The following STK32B variants were observed in gnomAD, a reference collection of about 807,000 sequenced individuals.
STK32B encodes the protein serine/threonine kinase 32B.
Under a neutral mutation model 52.6 loss-of-function variants are expected in STK32B, and 43 were observed. That is an observed-to-expected ratio of 0.82 (90% CI 0.64 to 1.05). STK32B has a LOEUF of 1.05. STK32B is among the 50% of genes least tolerant of loss of function. The pLI is 0.00. For synonymous variants in STK32B, 238 were observed against 204.3 expected, an observed-to-expected ratio of 1.17 and a Z score of -1.41; for missense variants, 621 against 534.6, an observed-to-expected ratio of 1.16 and a Z score of -1.59.
intron 1 of STK32B, among the ~76,000 whole-genome samples, chr4:5,131,056 TG>T (rs1158197336): frequency 6.6e-6 from 1 of 152,204 alleles, no homozygotes; most frequent in Non-Finnish European, 1.5e-5. Context: ...TGCCAGGACC[TG>T]GGCATGCCTC....
At chr4:5,309,883 G>A (rs957349607) in intron 3 of STK32B, among the ~76,000 whole-genome samples, 4 of 152,074 alleles carry the variant, frequency 2.6e-5, no homozygotes, top group Non-Finnish European at 5.9e-5. Context: ...TAGAAAAATG[G>A]GGCTGGGTGT....
intron 3 of STK32B, among the ~76,000 whole-genome samples, chr4:5,250,716 T>C (rs1725868446): frequency 6.6e-6 from 1 of 152,200 alleles, no homozygotes; most frequent in African/African-American, 2.4e-5. Flanking sequence ...CCTCAACCTC[T>C]CCAGCAATTG....
At position 5,480,629 on chromosome 4, in the gene STK32B, C is replaced by T. The variant is rs192998162; in HGVS notation, c.1106+12559C>T. ...TAAGTTTTAGGGTACATGTGCACAACGTGCAGGTTAGTTACATTTGTGTAC... is the reference window on the plus strand; with the variant it reads ...TAAGTTTTAGGGTACATGTGCACAATGTGCAGGTTAGTTACATTTGTGTAC... On this transcript the variant is annotated intron_variant, in intron 11 of 11. Transcript: ENST00000282908. 3.2e-3 allele frequency among the ~76,000 whole-genome samples: 480 copies of T among 151,868 alleles called. 1 individual carries two copies. The highest frequency in any genetic ancestry group is 9.8e-3 in the African/African-American group (406 of 41,430).
At chr4:5,300,119 G>C (rs931109760) in intron 3 of STK32B, among the ~76,000 whole-genome samples, 1 of 152,112 alleles carries the variant, frequency 6.6e-6, no homozygotes, top group Non-Finnish European at 1.5e-5. Flanking sequence ...TTCATGGGAT[G>C]CATGGATGAT....
chr4:5,316,914 TG>T (rs1730927995), intron 3 of STK32B, among the ~76,000 whole-genome samples: 2 of 14,118 alleles, frequency 1.4e-4, no homozygotes, highest in Admixed American at 1.3e-3. Context: ...ATAATATATA[TG>T]ATATAATATA....
Position 5,226,634 on chromosome 4 carries a change from C to T in STK32B, c.260+58184C>T, listed in dbSNP as rs552187026. 2.6e-5 allele frequency among the ~76,000 whole-genome samples: 4 copies of T among 152,264 alleles called. No homozygotes were observed. In the South Asian group the frequency reaches 8.3e-4, roughly 32 times the overall value. The stretch of plus-strand genomic sequence containing the variant: ...AGATCAACTGTCAGAGTTTTTCAAT[C>T]CTTATTTCCAAGTAGCCCTTACTTA... On this transcript the variant is annotated intron_variant, in intron 3 of 11. Coordinates refer to ENST00000282908, the MANE Select transcript of STK32B (RefSeq NM_018401.3).
rs1346700494 is a variant in STK32B at position 5,459,288 on chromosome 4, C to CG, written c.784-815_784-814insG. Reference sequence around the variant, plus strand: ...CACCTGTGGACCCTGGTGTGCCCCCCCCCCCCACCTTTCTAAGTATGTGCC... The same window carrying CG: ...CACCTGTGGACCCTGGTGTGCCCCCCGCCCCCCACCTTTCTAAGTATGTGCC... On this transcript the variant is annotated intron_variant, in intron 8 of 11. Coordinates refer to ENST00000282908, the MANE Select transcript of STK32B (RefSeq NM_018401.3). Among the ~76,000 whole-genome samples, 32 of 149,378 alleles carry CG rather than the reference C, an allele frequency of 2.1e-4. 2 individuals carry two copies. Among genetic ancestry groups the CG allele is most frequent in the African/African-American group, 7.5e-4 (30 of 40,218 alleles).
chr4:5,203,524 C>T (rs1722320024), intron 3 of STK32B, among the ~76,000 whole-genome samples: 1 of 152,044 alleles, frequency 6.6e-6, no homozygotes, highest in South Asian at 2.1e-4. Flanking sequence ...TAGTGCTGAG[C>T]ACTGCTGTGA....
rs529224049 is a variant in STK32B at position 5,088,768 on chromosome 4, A to G, written c.52+36853A>G. Among the ~76,000 whole-genome samples the G allele has an allele frequency of 2.7e-3, 409 of 152,080 alleles. 2 individuals are homozygous for G. The highest frequency in any genetic ancestry group is 5.1e-3 in the African/African-American group (210 of 41,516). ...GTACCCATAAAAATTAAAAGTTATA[A>G]AAAACCTTTATGGTATGCAGTGAAA... On this transcript the variant is annotated intron_variant, in intron 1 of 11. Coordinates refer to ENST00000282908, the MANE Select transcript of STK32B (RefSeq NM_018401.3).
intron 4 of STK32B, among the ~76,000 whole-genome samples, chr4:5,368,033 C>T (rs112691315): frequency 3.0e-4 from 45 of 152,166 alleles, no homozygotes; most frequent in African/African-American, 1.1e-3. Flanking sequence ...TCTGAGATAC[C>T]CACCCCCGAT....
intron 2 of STK32B, among the ~76,000 whole-genome samples, chr4:5,165,229 C>G (rs1268241671): frequency 1.3e-5 from 2 of 152,198 alleles, no homozygotes; most frequent in Admixed American, 6.5e-5. Flanking sequence ...CTTGGCCTCT[C>G]TTATTTGCAA....
chr4:5,156,970 G>A (rs1403955346), intron 2 of STK32B, among the ~76,000 whole-genome samples: 3 of 151,864 alleles, frequency 2.0e-5, no homozygotes, highest in African/African-American at 7.3e-5. Flanking sequence ...GGCTCTCACA[G>A]CTGCATGTGA....
chr4:5,236,727 C>T (rs1724663950), intron 3 of STK32B, among the ~76,000 whole-genome samples: 1 of 152,202 alleles, frequency 6.6e-6, no homozygotes, highest in African/African-American at 2.4e-5. Context: ...CCATGCGTTG[C>T]TATACGGTAT....
intron 7 of STK32B, among the ~76,000 whole-genome samples, chr4:5,447,732 C>A (rs189022240): frequency 6.6e-6 from 1 of 152,306 alleles, no homozygotes; most frequent in African/African-American, 2.4e-5. Context: ...TGTCTCAGGA[C>A]CATGGTTTCC....
At chr4:5,357,058 T>C (rs1367149686) in intron 4 of STK32B, among the ~76,000 whole-genome samples, 1 of 148,186 alleles carries the variant, frequency 6.7e-6, no homozygotes, top group South Asian at 2.2e-4. Flanking sequence ...CACACACACA[T>C]ATATACACAC....
intron 3 of STK32B, among the ~76,000 whole-genome samples, chr4:5,240,052 TTCTCTC>T (rs10563867): frequency 0.082 from 12,044 of 147,768 alleles, 975 homozygotes; most frequent in African/African-American, 0.21. Flanking sequence ...TTCATTTCTC[TTCTCTC>T]TCTCTCTCTC....
chr4:5,114,145 CA>C lies in STK32B; in HGVS notation c.53-25759del, dbSNP rs57460167. On this transcript the variant is annotated intron_variant, in intron 1 of 11. Transcript: ENST00000282908. ...TCAGCATCATGTCTTCAACCACCCCCATTCTCTCCAGGCCAGTCCCAGCTGA... is the reference window on the plus strand; with the variant it reads ...TCAGCATCATGTCTTCAACCACCCCCTTCTCTCCAGGCCAGTCCCAGCTGA... 3.0e-3 allele frequency among the ~76,000 whole-genome samples: 457 copies of C among 151,816 alleles called. 1 individual carries two copies. Among genetic ancestry groups the C allele is most frequent in the African/African-American group, 0.011 (438 of 41,286 alleles).
chr4:5,497,236 G>T (rs750382271), intron 11 of STK32B, among the ~76,000 whole-genome samples: 2 of 152,146 alleles, frequency 1.3e-5, no homozygotes, highest in Non-Finnish European at 2.9e-5. Flanking sequence ...AACTTTGAGA[G>T]CCCCATTCTG....
At chr4:5,098,018 C>T (rs999860217) in intron 1 of STK32B, among the ~76,000 whole-genome samples, 4 of 152,192 alleles carry the variant, frequency 2.6e-5, no homozygotes, top group African/African-American at 7.2e-5. Context: ...ATCTGTTCCA[C>T]GTGATCTCTT....
Sources: allele counts gnomAD v4.1 joint callset (sites outside exome capture counted in the v4.1 genomes callset), GRCh38; gene constraint gnomAD v4.1.1; transcripts MANE v1.5; gene names NCBI Gene and HGNC (gene_info 2026-07-23, HGNC 2026-07-21).